APOO: variants seen among roughly 807,000 people sequenced by gnomAD.
APOO encodes the protein apolipoprotein O, also known as MICOS complex subunit MIC26.
APOO carries 11 observed loss-of-function variants against 23.1 expected under a neutral mutation model. The observed-to-expected ratio is 0.48, with a 90% CI of 0.30 to 0.79. The LOEUF is 0.79. APOO is among the 30% of genes least tolerant of loss of function. The pLI is 0.07. For synonymous variants in APOO, 59 were observed against 54.8 expected (o/e 1.08, Z -0.34); for missense variants, 160 against 142.7 (o/e 1.12, Z -0.62).
In APOO at chrX:23,876,281, A is replaced by T. The variant is rs780734883; in HGVS notation, c.238-1824T>A. On this transcript the variant is annotated intron_variant, in intron 3 of 8. Coordinates refer to ENST00000379226, the MANE Select transcript of APOO (RefSeq NM_024122.5). ...CCGTCTCAAAAAAATAAAAAAAATA[A>T]AAATAAAAATAAAAATATTAGTTGG... Among the ~76,000 whole-genome samples, 21 of 108,897 alleles carry T rather than the reference A, an allele frequency of 1.9e-4. No individual in the cohort carries two copies. The South Asian group carries it at 7.8e-3, about 41-fold the overall frequency. 94.6% of individuals were successfully genotyped at this position (108,897 alleles called of 115,157 possible). A position where few individuals can be genotyped will look rare whatever the true frequency, so the allele number is the denominator to read the frequency against.
At chrX:23,844,659 C>T (rs755970116) in intron 7 of APOO, among the ~76,000 whole-genome samples, 8 of 111,590 alleles carry the variant, frequency 7.2e-5, no homozygotes, top group African/African-American at 2.6e-4. Context: ...GAAATTCCCC[C>T]CTAGGGCCTC....
intron 1 of APOO, among the ~76,000 whole-genome samples, chrX:23,895,053 G>A (rs997451697): frequency 1.8e-5 from 2 of 108,897 alleles, no homozygotes; most frequent in Non-Finnish European, 3.8e-5. Context: ...CAGGAGAATC[G>A]CTCGAACCCA....
chrX:23,842,780 G>A (rs1268923199), intron 7 of APOO, among the ~76,000 whole-genome samples: 1 of 112,213 alleles, frequency 8.9e-6, no homozygotes, highest in African/African-American at 3.2e-5. Flanking sequence ...AGGCCAAGGT[G>A]GGTGGATCAC....
chrX:23,849,407 CT>C (rs1405904403), intron 7 of APOO, among the ~76,000 whole-genome samples: 3 of 107,799 alleles, frequency 2.8e-5, no homozygotes, highest in African/African-American at 1.0e-4. Flanking sequence ...GTGCATCCAG[CT>C]GCCAATGTGC....
intron 4 of APOO, among the ~76,000 whole-genome samples, chrX:23,871,571 C>T (rs965655533): frequency 9.0e-5 from 10 of 111,024 alleles, no homozygotes; most frequent in African/African-American, 3.0e-4. Context: ...CAGTCCCACC[C>T]CCACATTTTG....
chrX:23,853,050 G>A (rs1284136272), intron 7 of APOO, among the ~76,000 whole-genome samples: 1 of 110,198 alleles, frequency 9.1e-6, no homozygotes. Context: ...CTGAGTTCAG[G>A]AGTTCGAGGC....
chrX:23,862,494 G>C (rs970371751), intron 5 of APOO, among the ~76,000 whole-genome samples: 8 of 109,930 alleles, frequency 7.3e-5, no homozygotes, highest in Non-Finnish European at 9.5e-5. Context: ...ACACAAGATA[G>C]GCTGGGCGCA....
chrX:23,896,975 T>C (rs770422480), intron 1 of APOO, among the ~76,000 whole-genome samples: 63 of 111,260 alleles, frequency 5.7e-4, no homozygotes, highest in African/African-American at 2.0e-3. Context: ...AAAAAAACTC[T>C]TCCTAATACA....
intron 8 of APOO, 98 bp downstream of exon 8, chrX:23,840,215 A>C: frequency 6.5e-6 from 3 of 459,978 alleles, no homozygotes; most frequent in Non-Finnish European, 1.0e-5. Context: ...CATCAAATTG[A>C]AACTGTTATA....
At chrX:23,906,532 C>T (rs1205797022) in intron 1 of APOO, among the ~76,000 whole-genome samples, 1 of 112,480 alleles carries the variant, frequency 8.9e-6, no homozygotes, top group Non-Finnish European at 1.9e-5. Flanking sequence ...AAACTGGCCA[C>T]AGCATATCTT....
chrX:23,883,690 C>T (rs1158318529), intron 1 of APOO: 4 of 111,978 alleles, frequency 3.6e-5, no homozygotes, highest in Non-Finnish European at 7.5e-5. Context: ...ACACAAGCTG[C>T]CTACTGACAG....
chrX:23,880,340 G>C (rs1017681054), intron 2 of APOO, among the ~76,000 whole-genome samples: 1 of 111,309 alleles, frequency 9.0e-6, no homozygotes, highest in Non-Finnish European at 1.9e-5. Context: ...TTTATCTGTT[G>C]AAAAAGCCAT....
chrX:23,840,990 C>T (rs188081311), intron 7 of APOO, among the ~76,000 whole-genome samples: 3 of 112,019 alleles, frequency 2.7e-5, no homozygotes, highest in Admixed American at 1.9e-4. Flanking sequence ...GAAAAGTTCA[C>T]GTGCTAAACT....
chrX:23,838,254 C>T (rs1164500522), intron 8 of APOO, among the ~76,000 whole-genome samples: 2 of 91,099 alleles, frequency 2.2e-5, no homozygotes, highest in African/African-American at 8.4e-5. Flanking sequence ...ACTTGGGAGG[C>T]TGAGGCAGGA....
intron 7 of APOO, among the ~76,000 whole-genome samples, chrX:23,853,617 TTTTGTTTGTTTG>T (rs1238911251): frequency 1.0e-5 from 1 of 96,254 alleles, no homozygotes; most frequent in Admixed American, 1.2e-4. Context: ...CGTTTTTTTT[TTTTGTTTGTTTG>T]TTTGTTTGTT....
At chrX:23,898,557 A>C (rs764694302) in intron 1 of APOO, among the ~76,000 whole-genome samples, 1 of 112,030 alleles carries the variant, frequency 8.9e-6, no homozygotes, top group Admixed American at 9.5e-5. Context: ...AAAATCATGT[A>C]CAAGACTCAA....
At chrX:23,860,839 TAAA>T (rs113127850) in intron 5 of APOO, among the ~76,000 whole-genome samples, 1 of 87,345 alleles carries the variant, frequency 1.1e-5, no homozygotes, top group African/African-American at 4.1e-5. Context: ...TCTATTCCTT[TAAA>T]AAAAAAAAAA....
intron 5 of APOO, among the ~76,000 whole-genome samples, chrX:23,861,559 C>CA (rs1344776442): frequency 0.17 from 6,394 of 38,655 alleles, 467 homozygotes; most frequent in East Asian, 0.5. Flanking sequence ...GATCCTGTCT[C>CA]AAAAAAAAAA....
chrX:23,862,146 C>T (rs1315533398), intron 5 of APOO, among the ~76,000 whole-genome samples: 1 of 111,078 alleles, frequency 9.0e-6, no homozygotes, highest in Non-Finnish European at 1.9e-5. Flanking sequence ...AACCAAGAAT[C>T]ACCAGTCATT....
Sources: allele counts gnomAD v4.1 joint callset (sites outside exome capture counted in the v4.1 genomes callset), GRCh38; gene constraint gnomAD v4.1.1; transcripts MANE v1.5; gene names NCBI Gene and HGNC (gene_info 2026-07-23, HGNC 2026-07-21).